TECPR2: variants seen among roughly 807,000 people sequenced by gnomAD.
TECPR2 encodes the protein tectonin beta-propeller repeat-containing protein 2.
TECPR2 carries 65 observed loss-of-function variants against 138.1 expected under a neutral mutation model. That is an observed-to-expected ratio of 0.47 (90% CI 0.39 to 0.58). TECPR2 has a LOEUF of 0.58. Among genes scored for constraint, TECPR2 ranks in the 20% least tolerant of loss-of-function variants. TECPR2 has a pLI of 0.00. For synonymous variants in TECPR2, 746 were observed against 749.8 expected (o/e 0.99, Z 0.08); for missense variants, 1,553 against 1,824.5 (o/e 0.85, Z 2.71).
At position 102,415,314 on chromosome 14, in the gene TECPR2, G is replaced by C. The variant is rs1888994794; in HGVS notation, c.638+521G>C. On this transcript the variant is annotated intron_variant, in intron 5 of 19. Transcript: ENST00000359520. The surrounding 1 kb of genome is among the most constrained non-coding windows in gnomAD (Gnocchi z 4.3). ...AGCTGCTGTGGACCAAAATACACAG[G>C]ATGCTGTGTGAGTTTAGACACACTT... Among the ~76,000 whole-genome samples, 1 of 152,218 alleles carries C rather than the reference G, an allele frequency of 6.6e-6. No homozygotes were observed. Among genetic ancestry groups the C allele is most frequent in the South Asian group, 2.1e-4 (1 of 4,836 alleles).
At chr14:102,481,408 CAA>C (rs1890891676) in intron 17 of TECPR2, among the ~76,000 whole-genome samples, 1 of 152,202 alleles carries the variant, frequency 6.6e-6, no homozygotes, top group African/African-American at 2.4e-5. Flanking sequence ...CTTGGCCTCC[CAA>C]AGTGTTGGGA....
In TECPR2 at chr14:102,408,788, A is replaced by T. The variant is rs117611581; in HGVS notation, c.480+169A>T. Among the ~76,000 whole-genome samples, 1,774 of 152,266 alleles carry T rather than the reference A, an allele frequency of 0.012. 17 individuals carry two copies. Among genetic ancestry groups the T allele is most frequent in the Middle Eastern group, 0.051 (15 of 294 alleles). On this transcript the variant is annotated intron_variant, in intron 4 of 19. Coordinates refer to ENST00000359520, the MANE Select transcript of TECPR2 (RefSeq NM_014844.5). Reference sequence around the variant, plus strand: ...ATAGACTTATGTTTTATAAGCTTCCACTTCTATGACTAAGGAGTTGGCCTA... The same window carrying T: ...ATAGACTTATGTTTTATAAGCTTCCTCTTCTATGACTAAGGAGTTGGCCTA...
At chr14:102,406,640 G>T (rs1219464113) in intron 2 of TECPR2, among the ~76,000 whole-genome samples, 1 of 152,100 alleles carries the variant, frequency 6.6e-6, no homozygotes, top group Non-Finnish European at 1.5e-5. Context: ...GATCCCTTGT[G>T]CCCAGGAGAT....
chr14:102,450,807 C>T (rs1016531388), intron 15 of TECPR2, among the ~76,000 whole-genome samples, 158 bp downstream of exon 15: 3 of 152,140 alleles, frequency 2.0e-5, no homozygotes, highest in Admixed American at 6.5e-5. Context: ...TTAGCTGAGC[C>T]GAGGGCCCTG....
chr14:102,407,103 G>A (rs1888679185), intron 2 of TECPR2, among the ~76,000 whole-genome samples: 2 of 152,238 alleles, frequency 1.3e-5, no homozygotes, highest in Admixed American at 6.5e-5. Context: ...CAGGTGATCT[G>A]CTTGCCTTGG....
chr14:102,417,189 T>A (rs980771436), intron 5 of TECPR2, among the ~76,000 whole-genome samples: 7 of 152,146 alleles, frequency 4.6e-5, no homozygotes, highest in African/African-American at 1.7e-4. Context: ...AGGAGAGAGA[T>A]TTTACTGAGC....
intron 2 of TECPR2, among the ~76,000 whole-genome samples, chr14:102,406,560 T>C (rs547075772): frequency 3.3e-5 from 5 of 151,560 alleles, no homozygotes; most frequent in African/African-American, 1.2e-4. Context: ...AAAATTAAAA[T>C]TGGGGCATGA....
At position 102,369,660 on chromosome 14, in the gene TECPR2, G is replaced by A. The variant is rs963794750; in HGVS notation, c.-73+6544G>A. On this transcript the variant is annotated intron_variant, in intron 1 of 19. Coordinates refer to ENST00000359520, the MANE Select transcript of TECPR2 (RefSeq NM_014844.5). ...AGGCTGATGTCAAACCCCTGGGCTC[G>A]GCCAAGTGCAGTGGCTCACGCCTGT... 1.1e-4 allele frequency among the ~76,000 whole-genome samples: 16 copies of A among 151,980 alleles called. No homozygotes were observed. The East Asian group carries it at 1.4e-3, about 13-fold the overall frequency.
chr14:102,363,007 C>A lies in TECPR2; in HGVS notation c.-182C>A, dbSNP rs1887218219. 2.4e-5 allele frequency: 24 copies of A among 994,688 alleles called. No individual in the cohort carries two copies. The East Asian group carries it at 6.4e-4, about 27-fold the overall frequency. 61.6% of individuals were successfully genotyped at this position (994,688 alleles called of 1,614,324 possible). A position where few individuals can be genotyped will look rare whatever the true frequency, so the allele number is the denominator to read the frequency against. On this transcript the variant is annotated 5_prime_UTR_variant, in exon 1 of 20. Coordinates refer to ENST00000359520, the MANE Select transcript of TECPR2 (RefSeq NM_014844.5). ...CTGCTCTTCGGTGCTGGCCCCGGTGCCGGCCCCGTTGCCCAGGGAACAGGC... is the reference window on the plus strand; with the variant it reads ...CTGCTCTTCGGTGCTGGCCCCGGTGACGGCCCCGTTGCCCAGGGAACAGGC...
rs1350071661 is a variant in TECPR2 at position 102,407,444 on chromosome 14, C to G, written c.326C>G (p.Ser109Ter). ...GRVAVFQLVS[S>*]LPGRNKQLRR... ...GTTGCAGTTTTTCAACTTGTATCTT[C>G]ATTGCCAGGGAGAAATAAACAGGTG... Residue 109 changes from serine to a stop codon, truncating the protein, a stop_gained, in exon 3 of 20, where the codon TCA becomes TGA. Coordinates refer to ENST00000359520, the MANE Select transcript of TECPR2 (RefSeq NM_014844.5). LOFTEE classifies it high-confidence loss of function. 1 of 1,613,082 alleles carries G rather than the reference C, an allele frequency of 6.2e-7. No homozygotes were observed. Among genetic ancestry groups the G allele is most frequent in the African/African-American group, 1.3e-5 (1 of 74,902 alleles).
intron 11 of TECPR2, among the ~76,000 whole-genome samples, chr14:102,442,584 G>A (rs1253840725): frequency 1.3e-5 from 2 of 152,206 alleles, no homozygotes; most frequent in East Asian, 3.8e-4. Flanking sequence ...AACCAGTAGT[G>A]CCAGAGGAAT....
At chr14:102,438,390 G>GA in intron 10 of TECPR2, 185 bp downstream of exon 10, 1 of 668,300 alleles carries the variant, frequency 1.5e-6, no homozygotes, top group Non-Finnish European at 2.4e-6. Flanking sequence ...AACGTGAATT[G>GA]CTTCATTGGA....
chr14:102,435,477 C>A (rs1456085800), intron 9 of TECPR2, among the ~76,000 whole-genome samples: 1 of 152,206 alleles, frequency 6.6e-6, no homozygotes, highest in East Asian at 1.9e-4. Flanking sequence ...TCTGACCCCA[C>A]AAGTGCAGGC....
At chr14:102,434,171 A>G in intron 8 of TECPR2, 64 bp from the exon 9 acceptor site, 2 of 1,317,194 alleles carry the variant, frequency 1.5e-6, no homozygotes, top group Non-Finnish European at 2.0e-6. Context: ...ATATGTGTGC[A>G]AGTTAGTCTC....
chr14:102,498,976 C>A lies in TECPR2; in HGVS notation c.*719C>A. The stretch of plus-strand genomic sequence containing the variant: ...ACAGCACACCTCACCACACAACACA[C>A]CACACCCCACACCGCACTGCACCGC... On this transcript the variant is annotated 3_prime_UTR_variant, in exon 20 of 20. Coordinates refer to ENST00000359520, the MANE Select transcript of TECPR2 (RefSeq NM_014844.5). 5.7e-6 allele frequency: 4 copies of A among 697,632 alleles called. No individual in the cohort carries two copies. The highest frequency in any genetic ancestry group is 1.0e-5 in the Non-Finnish European group (4 of 382,160). The allele number at this position is 697,632 out of a possible 1,614,324, so 43.2% of individuals were successfully genotyped here.
In TECPR2 at chr14:102,408,662, C is replaced by G. The variant is rs867936610; in HGVS notation, c.480+43C>G. On this transcript the variant is annotated intron_variant, in intron 4 of 19. Coordinates refer to ENST00000359520, the MANE Select transcript of TECPR2 (RefSeq NM_014844.5). ...AATACTGTTGGCTCTTACCTTCTTA[C>G]ATTTGGAAAAACTATATTTATAACT... 8 of 1,551,290 alleles carry G rather than the reference C, an allele frequency of 5.2e-6. No individual in the cohort carries two copies. In the African/African-American group the frequency reaches 8.3e-5, roughly 16 times the overall value.
At chr14:102,463,418 A>G (rs1363255861) in intron 16 of TECPR2, among the ~76,000 whole-genome samples, 4 of 138,512 alleles carry the variant, frequency 2.9e-5, no homozygotes, top group Non-Finnish European at 6.1e-5. Flanking sequence ...CTCCGTCTCA[A>G]AAAAAAAAAA....
chr14:102,484,180 A>G (rs1344396422), intron 17 of TECPR2, among the ~76,000 whole-genome samples: 1 of 151,916 alleles, frequency 6.6e-6, no homozygotes, highest in Admixed American at 6.6e-5. Context: ...TTATGCTTTT[A>G]TCCTGCTTTC....
intron 7 of TECPR2, among the ~76,000 whole-genome samples, chr14:102,428,651 A>G (rs1196194893): frequency 1.3e-5 from 2 of 151,524 alleles, no homozygotes; most frequent in African/African-American, 4.8e-5. Flanking sequence ...GGTCTCAAGT[A>G]CTCGGGAGGC....
Sources: allele counts gnomAD v4.1 joint callset (sites outside exome capture counted in the v4.1 genomes callset), GRCh38; gene constraint gnomAD v4.1.1; non-coding constraint Gnocchi (gnomAD v3.1); transcripts MANE v1.5; gene names NCBI Gene and HGNC (gene_info 2026-07-23, HGNC 2026-07-21).